USP34: variants seen among roughly 807,000 people sequenced by gnomAD.
The protein encoded by USP34 is ubiquitin carboxyl-terminal hydrolase 34.
USP34 carries 70 observed loss-of-function variants against 460.3 expected under a neutral mutation model. The ratio of observed to expected loss-of-function variants is 0.15; its 90% confidence interval spans 0.13 to 0.19. The LOEUF (loss-of-function observed/expected upper bound fraction) is 0.19, where lower values mean the gene tolerates loss of function less well. USP34 is among the 10% of genes least tolerant of loss of function. USP34 has a pLI of 1.00. For synonymous variants in USP34, 1,647 were observed against 1,405.3 expected (o/e 1.17, Z -3.85); for missense variants, 3,985 against 4,236.2 (o/e 0.94, Z 1.65).
chr2:61,373,399 C>G (rs568187634), intron 8 of USP34, among the ~76,000 whole-genome samples: 1 of 149,150 alleles, frequency 6.7e-6, no homozygotes, highest in East Asian at 2.0e-4. Flanking sequence ...CTATATGCTA[C>G]CCCCAAGACA....
At chr2:61,298,929 T>G (rs960438222) in intron 29 of USP34, among the ~76,000 whole-genome samples, 3 of 152,154 alleles carry the variant, frequency 2.0e-5, no homozygotes, top group African/African-American at 7.2e-5. Flanking sequence ...GCTTTTCTCT[T>G]CACTCTTAAC....
At chr2:61,417,036 C>T in intron 2 of USP34, 1 of 1,315,572 alleles carries the variant, frequency 7.6e-7, no homozygotes, top group South Asian at 1.2e-5. Flanking sequence ...AGATGTGGAT[C>T]TTCTGGCAGC....
intron 16 of USP34, 104 bp downstream of exon 16, chr2:61,343,711 C>A: frequency 1.4e-5 from 17 of 1,200,190 alleles, no homozygotes; most frequent in South Asian, 6.3e-5. Flanking sequence ...TTGACAAAAA[C>A]ATTTAAGTAC....
chr2:61,269,213 G>A (rs906730514), intron 41 of USP34, among the ~76,000 whole-genome samples: 18 of 152,012 alleles, frequency 1.2e-4, no homozygotes, highest in Non-Finnish European at 1.9e-4. Context: ...CCAGGCTAGC[G>A]ACAGTGGTGG....
chr2:61,402,746 G>C (rs1693759276), intron 3 of USP34, among the ~76,000 whole-genome samples: 1 of 152,102 alleles, frequency 6.6e-6, no homozygotes, highest in African/African-American at 2.4e-5. Flanking sequence ...ACAAAGAAAA[G>C]ACTAGATGGA....
intron 69 of USP34, among the ~76,000 whole-genome samples, chr2:61,211,082 T>G (rs1311167948): frequency 6.6e-6 from 1 of 152,286 alleles, no homozygotes; most frequent in Middle Eastern, 3.4e-3. Context: ...AGACTCACAT[T>G]TGAAAGCTTT....
chr2:61,434,928 T>C (rs1388539645), intron 1 of USP34, among the ~76,000 whole-genome samples: 1 of 151,990 alleles, frequency 6.6e-6, no homozygotes, highest in Non-Finnish European at 1.5e-5. Context: ...AATAACGATC[T>C]TAAGGAAACT....
chr2:61,216,336 C>T (rs760217549), intron 67 of USP34, among the ~76,000 whole-genome samples: 1 of 152,206 alleles, frequency 6.6e-6, no homozygotes, highest in Non-Finnish European at 1.5e-5. Flanking sequence ...TGCGGTGGCT[C>T]ATGCCTGTAA....
chr2:61,220,896 A>T lies in USP34; in HGVS notation c.7900-439T>A, dbSNP rs531220450. Among the ~76,000 whole-genome samples, 3 of 152,260 alleles carry T rather than the reference A, an allele frequency of 2.0e-5. No individual in the cohort carries two copies. The South Asian group carries it at 6.2e-4, about 32-fold the overall frequency. ...AGAAAGGGGAATCCTAGGAATCTAG[A>T]GTGGGGGTTGGCAAACTATGGCCAG... On this transcript the variant is annotated intron_variant, in intron 66 of 79. Coordinates refer to ENST00000398571, the MANE Select transcript of USP34 (RefSeq NM_014709.4).
intron 57 of USP34, among the ~76,000 whole-genome samples, chr2:61,235,525 C>T (rs781234013): frequency 1.3e-5 from 2 of 151,880 alleles, no homozygotes; most frequent in African/African-American, 2.4e-5. Context: ...AGTGTTTCAC[C>T]ACGTTGGCCA....
intron 18 of USP34, among the ~76,000 whole-genome samples, chr2:61,334,879 ATAAT>A (rs938930676): frequency 6.6e-6 from 1 of 152,206 alleles, no homozygotes; most frequent in Non-Finnish European, 1.5e-5. Flanking sequence ...TTATTGAGGA[ATAAT>A]TACATTATAC....
chr2:61,253,663 T>C (rs546893062), intron 48 of USP34, among the ~76,000 whole-genome samples: 1 of 152,286 alleles, frequency 6.6e-6, no homozygotes, highest in African/African-American at 2.4e-5. Context: ...TGCTCAGATA[T>C]CTTTCATCTA....
chr2:61,221,562 A>C lies in USP34; in HGVS notation c.7839T>G (p.Phe2613Leu). 1 of 1,614,142 alleles carries C rather than the reference A, an allele frequency of 6.2e-7. No individual in the cohort carries two copies. Among genetic ancestry groups the C allele is most frequent in the Non-Finnish European group, 8.5e-7 (1 of 1,179,978 alleles). ...GAGGCATTCCTGGAGGTCCACCAGC[A>C]AACTCCATTAGCATAGTCAACAACT... ...FFKLLTMLME[F>L]AGGPPGMPPF... The change falls in exon 66 of 80, where the codon TTT (phenylalanine) becomes TTG (leucine). Residue 2613 changes from phenylalanine (F) to leucine (L), a missense_variant. By Grantham distance (22) the Phe-to-Leu change is conservative. Coordinates refer to ENST00000398571, the MANE Select transcript of USP34 (RefSeq NM_014709.4).
chr2:61,339,517 T>G, intron 17 of USP34, 39 bp from the exon 18 acceptor site: 1 of 1,560,558 alleles, frequency 6.4e-7, no homozygotes, highest in Non-Finnish European at 8.7e-7. Context: ...TTATCCTAAT[T>G]GCATCTTGCT....
intron 1 of USP34, among the ~76,000 whole-genome samples, chr2:61,446,955 C>A (rs1231212822): frequency 1.3e-5 from 2 of 151,832 alleles, no homozygotes; most frequent in African/African-American, 4.8e-5. Flanking sequence ...CATTACACAG[C>A]ATCAGAAAAT....
At position 61,368,954 on chromosome 2, in the gene USP34, G is replaced by A. The variant is rs557626876; in HGVS notation, c.1251+1367C>T. Among the ~76,000 whole-genome samples the A allele has an allele frequency of 2.0e-5, 3 of 152,148 alleles. No homozygotes were observed. In the East Asian group the frequency reaches 5.8e-4, roughly 29 times the overall value. ...AATCACAAACAAAAGATCAACTTCA[G>A]TGACACATAAAGAACTCCTACAAAT... On this transcript the variant is annotated intron_variant, in intron 10 of 79. Coordinates refer to ENST00000398571, the MANE Select transcript of USP34 (RefSeq NM_014709.4).
intron 64 of USP34, 117 bp from the exon 65 acceptor site, chr2:61,222,780 T>C: frequency 1.1e-6 from 1 of 940,854 alleles, no homozygotes; most frequent in East Asian, 2.6e-5. Context: ...CACTGCAGCC[T>C]CCACTTCTCA....
In USP34 at chr2:61,325,364, A is replaced by T. The variant is rs760763238; in HGVS notation, c.3013+11T>A. On this transcript the variant is annotated intron_variant, in intron 21 of 79. Transcript: ENST00000398571. ...AACAGATTTTTAAAAAGTACTGATTAAAAAACTTACTGAAATGATCAGGTG... is the reference window on the plus strand; with the variant it reads ...AACAGATTTTTAAAAAGTACTGATTTAAAAACTTACTGAAATGATCAGGTG... The T allele has an allele frequency of 3.0e-5, 46 of 1,532,046 alleles. No individual in the cohort carries two copies. The highest frequency in any genetic ancestry group is 7.3e-5 in the East Asian group (3 of 41,196). The allele number at this position is 1,532,046 out of a possible 1,614,324, so 94.9% of individuals were successfully genotyped here.
At chr2:61,455,471 G>A (rs1400595541) in intron 1 of USP34, among the ~76,000 whole-genome samples, 1 of 151,908 alleles carries the variant, frequency 6.6e-6, no homozygotes, top group Admixed American at 6.6e-5. Context: ...TTTTGTTTTT[G>A]TTTTTCAATC....
Sources: gnomAD v4.1 joint callset for allele counts (sites outside exome capture counted in the v4.1 genomes callset) on GRCh38, gnomAD v4.1.1 for gene constraint, MANE v1.5 for transcripts, NCBI Gene and HGNC (gene_info 2026-07-23, HGNC 2026-07-21) for gene names.